ERBB4: variants seen among roughly 807,000 people sequenced by gnomAD.
ERBB4 encodes receptor tyrosine-protein kinase erbB-4.
In ERBB4, 42 loss-of-function variants were observed where a neutral mutation model predicts 158.0. The observed-to-expected ratio is 0.27, with a 90% confidence interval of 0.21 to 0.34. ERBB4 has a LOEUF of 0.34. ERBB4 is among the 10% of genes least tolerant of loss of function. The probability of loss-of-function intolerance (pLI) is 1.00; values close to 1 mark genes in which losing one functional copy is unlikely to be tolerated. For missense variants in ERBB4, 1,333 were observed against 1,624.1 expected (o/e 0.82, Z 3.08); for synonymous variants, 583 against 558.7 (o/e 1.04, Z -0.61).
intron 2 of ERBB4, among the ~76,000 whole-genome samples, chr2:211,975,797 T>A (rs1254331451): frequency 6.6e-6 from 1 of 152,126 alleles, no homozygotes; most frequent in Non-Finnish European, 1.5e-5. Flanking sequence ...GAATTTATTA[T>A]CAGTACACAT....
At chr2:211,519,943 GA>G (rs568891472) in intron 20 of ERBB4, among the ~76,000 whole-genome samples, 20 of 152,202 alleles carry the variant, frequency 1.3e-4, no homozygotes, top group African/African-American at 4.8e-4. Flanking sequence ...TAATAAAAAG[GA>G]ATAAAAATGA....
rs183712407 is a variant in ERBB4 at position 211,468,521 on chromosome 2, A to G, written c.2488-37421T>C. 4.6e-3 allele frequency among the ~76,000 whole-genome samples: 695 copies of G among 152,240 alleles called. 11 individuals are homozygous for G. The highest frequency in any genetic ancestry group is 0.024 in the Admixed American group (363 of 15,282). On this transcript the variant is annotated intron_variant, in intron 20 of 27. Coordinates refer to ENST00000342788, the MANE Select transcript of ERBB4 (RefSeq NM_005235.3). ...AAACCTATATAAAAATCTGGACGTT[A>G]TAGATACAGAGGGGTCTATTTGCCT...
intron 2 of ERBB4, among the ~76,000 whole-genome samples, chr2:211,977,531 T>TAAAAAAAAAAAAA (rs370595284): frequency 0.045 from 3,067 of 67,432 alleles, 323 homozygotes; most frequent in East Asian, 0.12. Flanking sequence ...ATATTGACTT[T>TAAAAAAAAAAAAA]AAAAAAAAAA....
intron 2 of ERBB4, among the ~76,000 whole-genome samples, chr2:212,036,729 G>T (rs2077023236): frequency 6.6e-6 from 1 of 152,144 alleles, no homozygotes. Flanking sequence ...CTGACAAAGT[G>T]CTGGGATTAC....
intron 20 of ERBB4, among the ~76,000 whole-genome samples, chr2:211,500,039 T>G (rs1156500463): frequency 6.6e-6 from 1 of 152,118 alleles, no homozygotes; most frequent in Non-Finnish European, 1.5e-5. Flanking sequence ...GCATCTTCAC[T>G]ACCTGAAACA....
rs547020718 is a variant in ERBB4 at position 212,069,154 on chromosome 2, C to T, written c.234+55598G>A. On this transcript the variant is annotated intron_variant, in intron 2 of 27. Coordinates refer to ENST00000342788, the MANE Select transcript of ERBB4 (RefSeq NM_005235.3). ...AGCAGTGTGAGAAAAAATTAATACACTTATGAATACAGATGTAAAAATTCT... is the reference window on the plus strand; with the variant it reads ...AGCAGTGTGAGAAAAAATTAATACATTTATGAATACAGATGTAAAAATTCT... Among the ~76,000 whole-genome samples the T allele has an allele frequency of 2.6e-5, 4 of 152,086 alleles. No homozygotes were observed. The East Asian group carries it at 7.8e-4, about 30-fold the overall frequency.
At chr2:212,528,993 T>C (rs1692599065) in intron 1 of ERBB4, among the ~76,000 whole-genome samples, 1 of 152,164 alleles carries the variant, frequency 6.6e-6, no homozygotes, top group South Asian at 2.1e-4. Context: ...TCTGGAACCC[T>C]TTTTCATGAA....
At chr2:211,871,558 A>G (rs1234852579) in intron 3 of ERBB4, among the ~76,000 whole-genome samples, 1 of 151,688 alleles carries the variant, frequency 6.6e-6, no homozygotes, top group Non-Finnish European at 1.5e-5. Flanking sequence ...TTATTGTGGG[A>G]CATTTTTAGA....
intron 1 of ERBB4, among the ~76,000 whole-genome samples, chr2:212,344,654 A>G (rs2088894523): frequency 6.6e-6 from 1 of 152,156 alleles, no homozygotes; most frequent in Admixed American, 6.5e-5. Flanking sequence ...GGTAATAGAA[A>G]CCACACCTTA....
chr2:212,303,896 T>G (rs2106215722), intron 1 of ERBB4, among the ~76,000 whole-genome samples: 1 of 151,400 alleles, frequency 6.6e-6, no homozygotes, highest in South Asian at 2.1e-4. Flanking sequence ...TATAACAAAA[T>G]TAAAAGTAGG....
At chr2:211,392,659 TTTG>T (rs2062827566) in intron 25 of ERBB4, among the ~76,000 whole-genome samples, 1 of 151,684 alleles carries the variant, frequency 6.6e-6, no homozygotes, top group South Asian at 2.1e-4. Flanking sequence ...CTTATTCTTT[TTTG>T]TTGTTGTTTG....
chr2:211,796,112 C>A (rs1318239527), intron 3 of ERBB4, among the ~76,000 whole-genome samples: 1 of 151,856 alleles, frequency 6.6e-6, no homozygotes, highest in African/African-American at 2.4e-5. Context: ...GCACTCAGAT[C>A]AAGAGCTTGA....
intron 1 of ERBB4, among the ~76,000 whole-genome samples, chr2:212,376,243 A>G (rs1475268409): frequency 1.3e-5 from 2 of 152,034 alleles, no homozygotes; most frequent in East Asian, 1.9e-4. Context: ...GAAATGAAAC[A>G]TGTATTTTCC....
chr2:211,952,049 C>T (rs2080888101), intron 2 of ERBB4, among the ~76,000 whole-genome samples: 1 of 151,938 alleles, frequency 6.6e-6, no homozygotes, highest in Non-Finnish European at 1.5e-5. Context: ...AGATGTGTTG[C>T]TCTAATCTTT....
intron 2 of ERBB4, among the ~76,000 whole-genome samples, chr2:212,020,169 T>C (rs1408337282): frequency 6.6e-6 from 1 of 152,122 alleles, no homozygotes; most frequent in African/African-American, 2.4e-5. Context: ...AGACATGTTC[T>C]TTTATTAAAG....
intron 20 of ERBB4, among the ~76,000 whole-genome samples, chr2:211,463,475 A>G (rs1440686894): frequency 6.6e-6 from 1 of 152,180 alleles, no homozygotes; most frequent in Non-Finnish European, 1.5e-5. Context: ...TAGCTTCATT[A>G]ACCTAACTGG....
In ERBB4 at chr2:211,947,435, A is replaced by T; in HGVS notation, c.416T>A (p.Leu139Ter). ...ATTTTGGATATATTCCTTACCTGTC[A>T]AGTTCTTTAATCCAAGTTCTTGAAG... is the stretch of plus-strand genomic sequence containing the variant. ...FGLQELGLKN[L>*]TEILNGGVYV... Residue 139 changes from leucine (L) to a stop codon, truncating the protein, a stop_gained, in exon 3 of 28, where the codon TTG becomes TAG. Transcript: ENST00000342788. LOFTEE classifies it high-confidence loss of function. 6.2e-7 allele frequency: 1 copy of T among 1,613,162 alleles called. No homozygotes were observed. The highest frequency in any genetic ancestry group is 8.5e-7 in the Non-Finnish European group (1 of 1,179,276).
chr2:212,504,954 G>A (rs1691106606), intron 1 of ERBB4, among the ~76,000 whole-genome samples: 4 of 152,136 alleles, frequency 2.6e-5, no homozygotes, highest in Non-Finnish European at 4.4e-5. Flanking sequence ...AGTTATGGTT[G>A]TAGATTTTTG....
intron 1 of ERBB4, among the ~76,000 whole-genome samples, chr2:212,129,438 T>C (rs1338126029): frequency 6.6e-6 from 1 of 151,254 alleles, no homozygotes; most frequent in Non-Finnish European, 1.5e-5. Flanking sequence ...AATATAATAT[T>C]ATACAATAAT....
Sources: gnomAD v4.1 joint callset for allele counts (sites outside exome capture counted in the v4.1 genomes callset) on GRCh38, gnomAD v4.1.1 for gene constraint, MANE v1.5 for transcripts, NCBI Gene and HGNC (gene_info 2026-07-23, HGNC 2026-07-21) for gene names.